The following CTNND2 variants were observed in gnomAD, a reference collection of about 807,000 sequenced individuals.
CTNND2 encodes the protein catenin delta 2, also known as catenin delta-2.
Under a neutral mutation model 144.4 loss-of-function variants are expected in CTNND2, and 22 were observed. The ratio of observed to expected loss-of-function variants is 0.15; its 90% CI spans 0.11 to 0.22. The LOEUF (loss-of-function observed/expected upper bound fraction) is 0.22. Ranked by LOEUF, CTNND2 falls within the 10% of genes least tolerant of loss-of-function variation. CTNND2 has a pLI of 1.00. For synonymous variants in CTNND2, 751 were observed against 695.6 expected (o/e 1.08, Z -1.25); for missense variants, 1,353 against 1,618.8 (o/e 0.84, Z 2.82).
rs528739980 is a variant in CTNND2 at position 11,163,723 on chromosome 5, T to C, written c.1976-3964A>G. ...TTCCCTTATTCCTTCCAAATTCCAA[T>C]GTGAGAGTATACAAGATATAGCAAG... On this transcript the variant is annotated intron_variant, in intron 11 of 21. Coordinates refer to ENST00000304623, the MANE Select transcript of CTNND2 (RefSeq NM_001332.4). Among the ~76,000 whole-genome samples, 46 of 152,268 alleles carry C rather than the reference T, an allele frequency of 3.0e-4. No homozygotes were observed. The South Asian group carries it at 8.1e-3, about 27-fold the overall frequency.
chr5:11,523,465 G>A (rs1461699740), intron 3 of CTNND2, among the ~76,000 whole-genome samples: 1 of 152,056 alleles, frequency 6.6e-6, no homozygotes, highest in African/African-American at 2.4e-5. Context: ...AGCCTCCAAT[G>A]ACATCTTTGT....
chr5:11,302,068 A>G (rs1218381749), intron 9 of CTNND2, among the ~76,000 whole-genome samples: 1 of 152,170 alleles, frequency 6.6e-6, no homozygotes, highest in East Asian at 1.9e-4. Context: ...TAACTGTCGA[A>G]TCAGAAACCT....
At chr5:11,240,178 ACT>A (rs1483248401) in intron 9 of CTNND2, among the ~76,000 whole-genome samples, 2 of 115,552 alleles carry the variant, frequency 1.7e-5, no homozygotes, top group Admixed American at 9.0e-5. Context: ...CAACACACAC[ACT>A]CACACACCCA....
chr5:11,385,338 G>T (rs771451767), intron 6 of CTNND2, 109 bp from the exon 7 acceptor site: 7 of 744,712 alleles, frequency 9.4e-6, no homozygotes, highest in Non-Finnish European at 1.1e-5. Context: ...TGCCGCGGGC[G>T]CCCGGCGGCT....
intron 1 of CTNND2, among the ~76,000 whole-genome samples, chr5:11,779,258 C>A (rs1006729859): frequency 6.6e-6 from 1 of 152,148 alleles, no homozygotes; most frequent in Admixed American, 6.5e-5. Flanking sequence ...TTCTCACACA[C>A]CCTAATTCAA....
chr5:11,223,395 G>T (rs572330328), intron 10 of CTNND2, among the ~76,000 whole-genome samples: 10 of 152,292 alleles, frequency 6.6e-5, no homozygotes, highest in African/African-American at 2.2e-4. Flanking sequence ...AGCCAGTTGG[G>T]GAAGAAGATG....
At chr5:11,094,124 C>T (rs534668770) in intron 15 of CTNND2, among the ~76,000 whole-genome samples, 4 of 152,318 alleles carry the variant, frequency 2.6e-5, no homozygotes, top group East Asian at 1.9e-4. Context: ...ATCAGCCTCT[C>T]GTCATGCCTG....
At chr5:11,117,205 G>C (rs1753639551) in intron 13 of CTNND2, among the ~76,000 whole-genome samples, 1 of 151,900 alleles carries the variant, frequency 6.6e-6, no homozygotes, top group Non-Finnish European at 1.5e-5. Flanking sequence ...AACACCTGTG[G>C]TTTGAGTAAC....
chr5:11,396,571 T>C (rs1760158733), intron 6 of CTNND2, among the ~76,000 whole-genome samples: 1 of 152,256 alleles, frequency 6.6e-6, no homozygotes. Flanking sequence ...CAAACAGTTC[T>C]GTTTACCTGA....
chr5:11,581,181 T>C (rs1432620376), intron 2 of CTNND2, among the ~76,000 whole-genome samples: 1 of 152,190 alleles, frequency 6.6e-6, no homozygotes, highest in East Asian at 1.9e-4. Context: ...AAACCAGACT[T>C]ACCTACGCTA....
At chr5:11,281,624 G>A (rs1747126754) in intron 9 of CTNND2, among the ~76,000 whole-genome samples, 1 of 152,234 alleles carries the variant, frequency 6.6e-6, no homozygotes, top group Non-Finnish European at 1.5e-5. Flanking sequence ...ATTTCTGGAA[G>A]CTTGAGATCA....
Position 10,979,085 on chromosome 5 carries a change from C to T in CTNND2, c.3417+2688G>A, listed in dbSNP as rs576265818. On this transcript the variant is annotated intron_variant, in intron 21 of 21. Transcript: ENST00000304623. ...GGTTCCAATGAGGAGCTTCTCTCTACCTGAGGGGACTCAAGATGAATCTCA... is the reference window on the plus strand; with the variant it reads ...GGTTCCAATGAGGAGCTTCTCTCTATCTGAGGGGACTCAAGATGAATCTCA... Among the ~76,000 whole-genome samples, 7 of 152,260 alleles carry T rather than the reference C, an allele frequency of 4.6e-5. No individual in the cohort carries two copies. The South Asian group carries it at 1.5e-3, about 32-fold the overall frequency.
intron 18 of CTNND2, among the ~76,000 whole-genome samples, chr5:11,007,353 T>C (rs557581665): frequency 1.4e-5 from 2 of 145,518 alleles, no homozygotes; most frequent in African/African-American, 5.0e-5. Flanking sequence ...ATCTGTCATC[T>C]GGTTAAATGG....
chr5:11,644,386 G>A (rs1782233320), intron 2 of CTNND2, among the ~76,000 whole-genome samples: 1 of 152,114 alleles, frequency 6.6e-6, no homozygotes, highest in South Asian at 2.1e-4. Flanking sequence ...ATGATACCAA[G>A]CGGCTGTGCC....
At chr5:10,975,572 C>G (rs1736365296) in intron 21 of CTNND2, among the ~76,000 whole-genome samples, 1 of 152,180 alleles carries the variant, frequency 6.6e-6, no homozygotes, top group South Asian at 2.1e-4. Flanking sequence ...GTGTTGTGAA[C>G]TGGAACTGGA....
intron 12 of CTNND2, among the ~76,000 whole-genome samples, chr5:11,123,796 C>T (rs1222938463): frequency 6.6e-6 from 1 of 152,180 alleles, no homozygotes; most frequent in African/African-American, 2.4e-5. Context: ...GTAGGAAATT[C>T]AATGTGGAAA....
intron 12 of CTNND2, among the ~76,000 whole-genome samples, chr5:11,138,695 A>G (rs924048966): frequency 6.6e-6 from 1 of 152,154 alleles, no homozygotes; most frequent in African/African-American, 2.4e-5. Flanking sequence ...ATTCTGTTCT[A>G]TTTGTAGTTA....
intron 11 of CTNND2, among the ~76,000 whole-genome samples, chr5:11,194,311 TCA>T (rs1357319204): frequency 6.6e-6 from 1 of 152,026 alleles, no homozygotes; most frequent in East Asian, 1.9e-4. Flanking sequence ...AAGGAAGTAG[TCA>T]CCTCTCATTC....
chr5:11,224,515 C>T (rs1036045092), intron 10 of CTNND2, among the ~76,000 whole-genome samples: 1 of 152,100 alleles, frequency 6.6e-6, no homozygotes, highest in African/African-American at 2.4e-5. Flanking sequence ...GACAAGATTC[C>T]ATATCTTTTT....
Sources: gnomAD v4.1 joint callset for allele counts (sites outside exome capture counted in the v4.1 genomes callset) on GRCh38, gnomAD v4.1.1 for gene constraint, MANE v1.5 for transcripts, NCBI Gene and HGNC (gene_info 2026-07-23, HGNC 2026-07-21) for gene names.